Variants in NIF3L1 observed in about 807,000 individuals in gnomAD.
NIF3L1 encodes NGG1 interacting factor 3 like 1, also known as NIF3-like protein 1.
NIF3L1 carries 26 observed loss-of-function variants against 35.0 expected under a neutral mutation model. The observed-to-expected ratio is 0.74, with a 90% CI of 0.54 to 1.03. The LOEUF is 1.03. Among genes scored for constraint, NIF3L1 ranks in the 50% least tolerant of loss-of-function variants. The pLI, the probability that NIF3L1 is intolerant of heterozygous loss-of-function variation, is 0.00. For synonymous variants in NIF3L1, 157 were observed against 178.9 expected (o/e 0.88, Z 0.98); for missense variants, 449 against 466.3 (o/e 0.96, Z 0.34).
rs751529842 is a variant in NIF3L1 at position 200,893,426 on chromosome 2, CTTTT to C, written c.599+23_599+26del. ...TCTGCTAGGTACAATTTATTTTTCT[CTTTT>C]TTTTGTGTGTATTTATTGGTAAGCA... On this transcript the variant is annotated intron_variant, in intron 3 of 6. Coordinates refer to ENST00000409020, the MANE Select transcript of NIF3L1 (RefSeq NM_001369441.2). 7.5e-6 allele frequency: 12 copies of C among 1,610,728 alleles called. No homozygotes were observed. The highest frequency in any genetic ancestry group is 1.0e-5 in the Non-Finnish European group (12 of 1,177,578).
At chr2:200,898,170 ATAAG>A (rs71863576) in intron 5 of NIF3L1, among the ~76,000 whole-genome samples, 34,409 of 151,936 alleles carry the variant, frequency 0.23, 4,621 homozygotes, top group African/African-American at 0.37. Flanking sequence ...GTTCAGAGAG[ATAAG>A]TAACTTTATT....
At chr2:200,899,147 A>G (rs933974935) in intron 5 of NIF3L1, 10 of 378,456 alleles carry the variant, frequency 2.6e-5, no homozygotes, top group Non-Finnish European at 4.8e-5. Context: ...TTGTTGAAAA[A>G]AAAAAACACA....
At chr2:200,897,353 G>A in intron 5 of NIF3L1, 139 bp downstream of exon 5, 1 of 851,848 alleles carries the variant, frequency 1.2e-6, no homozygotes, top group Non-Finnish European at 1.8e-6. Flanking sequence ...ATTGATTAGG[G>A]TGGGCCAGGT....
rs1356659011 is a variant in NIF3L1 at position 200,903,854 on chromosome 2, A to G, written c.*176A>G. The G allele has an allele frequency of 6.5e-6, 4 of 615,690 alleles. No homozygotes were observed. The highest frequency in any genetic ancestry group is 1.9e-5 in the South Asian group (1 of 53,450). 38.1% of individuals were successfully genotyped at this position (615,690 alleles called of 1,614,324 possible). A position where few individuals can be genotyped will look rare whatever the true frequency, so the allele number is the denominator to read the frequency against. ...ATCGCTCGTAAGGTAAAACTGTAATATAACTACCATATTAAATAACAAATG... is the reference window on the plus strand; with the variant it reads ...ATCGCTCGTAAGGTAAAACTGTAATGTAACTACCATATTAAATAACAAATG... On this transcript the variant is annotated 3_prime_UTR_variant, in exon 7 of 7. Coordinates refer to ENST00000409020, the MANE Select transcript of NIF3L1 (RefSeq NM_001369441.2).
chr2:200,899,919 C>T (rs1339204214), intron 6 of NIF3L1, among the ~76,000 whole-genome samples: 5 of 152,138 alleles, frequency 3.3e-5, no homozygotes, highest in Non-Finnish European at 5.9e-5. Flanking sequence ...ATGGTATCTT[C>T]CATATACTCT....
intron 5 of NIF3L1, chr2:200,899,142 G>GAAA: frequency 1.8e-5 from 6 of 331,106 alleles, no homozygotes; most frequent in South Asian, 7.5e-5. Context: ...AAAGGTTGTT[G>GAAA]AAAAAAAAAA....
At chr2:200,896,737 A>G (rs1412144830) in intron 4 of NIF3L1, among the ~76,000 whole-genome samples, 1 of 152,116 alleles carries the variant, frequency 6.6e-6, no homozygotes, top group African/African-American at 2.4e-5. Flanking sequence ...GGCGCACGCC[A>G]CTGCCTGGCT....
At chr2:200,899,259 A>C in intron 5 of NIF3L1, 126 bp from the exon 6 acceptor site, 1 of 602,136 alleles carries the variant, frequency 1.7e-6, no homozygotes, top group South Asian at 3.1e-5. Flanking sequence ...AGTAAGAACA[A>C]TTCATATACT....
chr2:200,895,741 A>G (rs1255644535), intron 4 of NIF3L1, among the ~76,000 whole-genome samples: 1 of 152,206 alleles, frequency 6.6e-6, no homozygotes, highest in Non-Finnish European at 1.5e-5. Flanking sequence ...ATTTGGTTAC[A>G]GGTTTGCTGT....
At chr2:200,894,311 A>G (rs1407596317) in intron 3 of NIF3L1, among the ~76,000 whole-genome samples, 2 of 152,140 alleles carry the variant, frequency 1.3e-5, no homozygotes, top group African/African-American at 4.8e-5. Context: ...GCTTTAAAAA[A>G]ATTCATTTTG....
In NIF3L1 at chr2:200,895,340, T is replaced by C. The variant is rs778159946; in HGVS notation, c.676T>C (p.Ser226Pro). The change falls in exon 4 of 7, where the codon TCC becomes CCC. Residue 226 changes from serine (S) to proline (P), a missense_variant. By Grantham distance (74) the Ser-to-Pro change is moderately conservative. Coordinates refer to ENST00000409020, the MANE Select transcript of NIF3L1 (RefSeq NM_001369441.2). ...KALMQVVDFL[S>P]RNKQLYQKTE... ...TTTGATGCAGGTGGTAGATTTTCTT[T>C]CCCGGAACAAACAACTTTATCAGAA... The C allele has an allele frequency of 6.2e-7, 1 of 1,614,056 alleles. No individual in the cohort carries two copies. The highest frequency in any genetic ancestry group is 8.5e-7 in the Non-Finnish European group (1 of 1,179,942).
At chr2:200,890,461 TA>T (rs1468750158) in intron 1 of NIF3L1, 1 of 152,356 alleles carries the variant, frequency 6.6e-6, no homozygotes. Flanking sequence ...TCTCATTAAA[TA>T]GAAATGTTGA....
At chr2:200,890,954 C>CTTTTTT (rs58191528) in intron 1 of NIF3L1, among the ~76,000 whole-genome samples, 14 of 137,018 alleles carry the variant, frequency 1.0e-4, no homozygotes, top group Admixed American at 5.9e-4. Flanking sequence ...TTTAAACATT[C>CTTTTTT]TTTTTTTTTT....
At chr2:200,892,960 A>G (rs982513258) in intron 2 of NIF3L1, among the ~76,000 whole-genome samples, 4 of 152,210 alleles carry the variant, frequency 2.6e-5, no homozygotes, top group Non-Finnish European at 4.4e-5. Flanking sequence ...CATTCTGTGT[A>G]TTATCTGAAA....
At chr2:200,897,608 G>A (rs1047534069) in intron 5 of NIF3L1, among the ~76,000 whole-genome samples, 1 of 152,146 alleles carries the variant, frequency 6.6e-6, no homozygotes, top group Admixed American at 6.5e-5. Flanking sequence ...GAGGCATAAA[G>A]TGCAGTCTTA....
chr2:200,891,908 T>C lies in NIF3L1; in HGVS notation c.-26-10T>C. 1 of 1,501,920 alleles carries C rather than the reference T, an allele frequency of 6.7e-7. No individual in the cohort carries two copies. The highest frequency in any genetic ancestry group is 2.4e-5 in the East Asian group (1 of 42,040). 93.0% of individuals were successfully genotyped at this position (1,501,920 alleles called of 1,614,324 possible). A position where few individuals can be genotyped will look rare whatever the true frequency, so the allele number is the denominator to read the frequency against. On this transcript the variant is annotated splice_polypyrimidine_tract_variant and intron_variant, in intron 1 of 6. Transcript: ENST00000409020. ...ATACCTGTGTACCATTTTCTTTGTT[T>C]TGACATCAGAAACTTGAACTTTACC...
chr2:200,900,137 C>T (rs1262753181), intron 6 of NIF3L1, among the ~76,000 whole-genome samples: 2 of 152,134 alleles, frequency 1.3e-5, no homozygotes, highest in East Asian at 1.9e-4. Flanking sequence ...TGACACTGTC[C>T]TGCTCCTGCC....
chr2:200,892,459 C>G (rs2040218779), intron 2 of NIF3L1, 80 bp downstream of exon 2: 1 of 1,148,796 alleles, frequency 8.7e-7, no homozygotes, highest in African/African-American at 1.6e-5. Context: ...AAAGTTTTAA[C>G]TGCTTTAGGG....
chr2:200,889,729 A>G (rs1486945709), intron 1 of NIF3L1, 77 bp downstream of exon 1: 1 of 152,470 alleles, frequency 6.6e-6, no homozygotes, highest in Non-Finnish European at 1.5e-5. Flanking sequence ...TGCTTACTCT[A>G]GGACGGGAGT....
Sources: allele counts gnomAD v4.1 joint callset (sites outside exome capture counted in the v4.1 genomes callset), GRCh38; gene constraint gnomAD v4.1.1; transcripts MANE v1.5; gene names NCBI Gene and HGNC (gene_info 2026-07-23, HGNC 2026-07-21).